ELAVL4: variants seen among roughly 807,000 people sequenced by gnomAD.
ELAVL4 encodes the protein ELAV-like protein 4.
Under a neutral mutation model 35.6 loss-of-function variants are expected in ELAVL4, and 1 was observed. That is an observed-to-expected ratio of 0.03 (90% CI 0.01 to 0.13). ELAVL4 has a LOEUF of 0.13. Among genes scored for constraint, ELAVL4 ranks in the 10% least tolerant of loss-of-function variants. The pLI, the probability that ELAVL4 is intolerant of heterozygous loss-of-function variation, is 1.00. For synonymous variants in ELAVL4, 156 were observed against 171.0 expected (o/e 0.91, Z 0.69); for missense variants, 267 against 464.9 (o/e 0.57, Z 3.91).
At chr1:50,119,285 A>G (rs974912212) in intron 1 of ELAVL4, among the ~76,000 whole-genome samples, 1 of 152,052 alleles carries the variant, frequency 6.6e-6, no homozygotes, top group African/African-American at 2.4e-5. Context: ...ATGGGCAGAA[A>G]TATATCTGTA....
At chr1:50,096,366 G>T (rs1665717136) in intron 1 of ELAVL4, among the ~76,000 whole-genome samples, 1 of 149,112 alleles carries the variant, frequency 6.7e-6, no homozygotes, top group Non-Finnish European at 1.5e-5. Flanking sequence ...GGCCTTGAAG[G>T]ATGAATATGA....
intron 1 of ELAVL4, among the ~76,000 whole-genome samples, chr1:50,127,343 A>G (rs547338537): frequency 1.3e-5 from 2 of 152,206 alleles, no homozygotes; most frequent in African/African-American, 4.8e-5. Flanking sequence ...GCGACTCAAT[A>G]TAGGGTGGTA....
chr1:50,071,783 G>A (rs1664536715), intron 1 of ELAVL4, among the ~76,000 whole-genome samples: 1 of 152,106 alleles, frequency 6.6e-6, no homozygotes, highest in Non-Finnish European at 1.5e-5. Flanking sequence ...CTGCATTTCA[G>A]TTTCCTTGGG....
At chr1:50,187,952 G>T (rs1296319310) in intron 3 of ELAVL4, among the ~76,000 whole-genome samples, 3 of 152,158 alleles carry the variant, frequency 2.0e-5, no homozygotes, top group African/African-American at 7.2e-5. Flanking sequence ...AAAATTAGCT[G>T]GGCATGGTGG....
intron 1 of ELAVL4, among the ~76,000 whole-genome samples, chr1:50,121,213 A>G (rs551353755): frequency 1.3e-5 from 2 of 152,168 alleles, no homozygotes; most frequent in East Asian, 1.9e-4. Flanking sequence ...ATTTAGCCCA[A>G]CTAACATAAC....
At chr1:50,198,897 G>A (rs1406154601) in intron 6 of ELAVL4, among the ~76,000 whole-genome samples, 1 of 152,142 alleles carries the variant, frequency 6.6e-6, no homozygotes, top group Non-Finnish European at 1.5e-5. Context: ...TAGGATAGAG[G>A]CTGTACTTGC....
chr1:50,193,948 T>C (rs1683058266), intron 4 of ELAVL4, 30 bp downstream of exon 4: 1 of 1,610,712 alleles, frequency 6.2e-7, no homozygotes, highest in Admixed American at 1.7e-5. Context: ...TTTCTTTCCT[T>C]GTATATCAAT....
chr1:50,100,661 C>A (rs1204590912), upstream of ELAVL4, among the ~76,000 whole-genome samples: 6 of 152,176 alleles, frequency 3.9e-5, no homozygotes, highest in South Asian at 8.3e-4. Flanking sequence ...AAGCTCCTTC[C>A]CAATCAGATT....
At chr1:50,109,252 G>A (rs1666659503) in intron 1 of ELAVL4, 54 bp downstream of exon 1, 1 of 1,575,808 alleles carries the variant, frequency 6.3e-7, no homozygotes, top group Non-Finnish European at 8.7e-7. Context: ...GGGAAGAAAA[G>A]CATCTACACC....
intron 2 of ELAVL4, among the ~76,000 whole-genome samples, chr1:50,167,112 C>T (rs1678072543): frequency 6.6e-6 from 1 of 152,136 alleles, no homozygotes; most frequent in African/African-American, 2.4e-5. Context: ...ATATATTGGA[C>T]ACTGATTCAG....
chr1:50,048,215 C>T (rs1359531681), intron 1 of ELAVL4: 5 of 1,501,226 alleles, frequency 3.3e-6, no homozygotes, highest in Non-Finnish European at 4.4e-6. Flanking sequence ...CCCGCACCCC[C>T]GACTCTGCCC....
intron 1 of ELAVL4, among the ~76,000 whole-genome samples, chr1:50,049,728 G>A (rs1387204935): frequency 6.6e-6 from 1 of 152,144 alleles, no homozygotes; most frequent in Non-Finnish European, 1.5e-5. Context: ...AATCCTTGGG[G>A]CCGATGGGGT....
intron 3 of ELAVL4, among the ~76,000 whole-genome samples, chr1:50,192,519 G>GCGCACACACA (rs1032056096): frequency 7.1e-6 from 1 of 140,446 alleles, no homozygotes; most frequent in Non-Finnish European, 1.5e-5. Flanking sequence ...TTGTGTGCAC[G>GCGCACACACA]CACACACACA....
chr1:50,191,328 C>G (rs1456781067), intron 3 of ELAVL4, among the ~76,000 whole-genome samples: 1 of 152,068 alleles, frequency 6.6e-6, no homozygotes, highest in East Asian at 1.9e-4. Context: ...CAGCCCCAGG[C>G]ATTGGAAAAT....
chr1:50,107,302 T>C (rs1490837609), upstream of ELAVL4, among the ~76,000 whole-genome samples: 1 of 152,242 alleles, frequency 6.6e-6, no homozygotes, highest in Non-Finnish European at 1.5e-5. Context: ...TAAGGAATTA[T>C]AGTTTTAACA....
chr1:50,057,248 A>T (rs920960057), intron 1 of ELAVL4, among the ~76,000 whole-genome samples: 1 of 152,100 alleles, frequency 6.6e-6, no homozygotes, highest in African/African-American at 2.4e-5. Flanking sequence ...AAGAAAGAAA[A>T]TATTTGTGTA....
At chr1:50,065,206 G>T (rs988033759) in intron 1 of ELAVL4, among the ~76,000 whole-genome samples, 2 of 152,112 alleles carry the variant, frequency 1.3e-5, no homozygotes, top group African/African-American at 4.8e-5. Context: ...AGGATCAAAT[G>T]AAATAACATA....
intron 2 of ELAVL4, among the ~76,000 whole-genome samples, chr1:50,171,011 C>T (rs1678903297): frequency 6.6e-6 from 1 of 152,040 alleles, no homozygotes; most frequent in Admixed American, 6.5e-5. Flanking sequence ...CCAGCTTGCG[C>T]AAAAGAATGA....
chr1:50,118,918 T>A (rs1049810802), intron 1 of ELAVL4, among the ~76,000 whole-genome samples: 2 of 145,320 alleles, frequency 1.4e-5, no homozygotes, highest in African/African-American at 5.2e-5. Context: ...CAAATGCCAT[T>A]TTGCAGGTCC....
Sources: gnomAD v4.1 joint callset for allele counts (sites outside exome capture counted in the v4.1 genomes callset) on GRCh38, gnomAD v4.1.1 for gene constraint, MANE v1.5 for transcripts, NCBI Gene and HGNC (gene_info 2026-07-23, HGNC 2026-07-21) for gene names.